The following CATSPERE variants were observed in gnomAD, a reference collection of about 807,000 sequenced individuals.
CATSPERE encodes the protein cation channel sperm-associated auxiliary subunit epsilon.
Under a neutral mutation model 114.1 loss-of-function variants are expected in CATSPERE, and 93 were observed. The observed-to-expected ratio is 0.81, with a 90% CI of 0.69 to 0.97. The LOEUF is 0.97. Among genes scored for constraint, CATSPERE ranks in the 50% least tolerant of loss-of-function variants. The pLI is 0.00. For missense variants in CATSPERE, 1,058 were observed against 1,131.6 expected (o/e 0.93, Z 0.93); for synonymous variants, 341 against 384.1 (o/e 0.89, Z 1.31).
intron 17 of CATSPERE, 44 bp from the exon 18 acceptor site, chr1:244,605,651 A>G (rs1669884152): frequency 7.4e-7 from 1 of 1,358,800 alleles, no homozygotes; most frequent in East Asian, 2.3e-5. Context: ...TAACCCCTCT[A>G]TTTTATATTA....
At chr1:244,457,590 T>G (rs1174891286), upstream of CATSPERE, 1 of 152,198 alleles carries the variant, frequency 6.6e-6, no homozygotes, top group Admixed American at 6.5e-5. Context: ...TGTATCACAG[T>G]AAAGGTTTTT....
rs1667314124 is a variant in CATSPERE at position 244,588,467 on chromosome 1, G to A, written c.2086-15G>A. The A allele has an allele frequency of 6.3e-7, 1 of 1,599,060 alleles. No individual in the cohort carries two copies. Among genetic ancestry groups the A allele is most frequent in the Non-Finnish European group, 8.6e-7 (1 of 1,166,570 alleles). On this transcript the variant is annotated splice_polypyrimidine_tract_variant and intron_variant, in intron 13 of 21. Transcript: ENST00000366534. ...CAGAACTGCTGAACTCACTACCTAA[G>A]TTACTTCATTTTAGGTGTTCCAAAT...
Position 244,568,654 on chromosome 1 carries a change from C to T in CATSPERE, c.1508-3676C>T, listed in dbSNP as rs927848550. On this transcript the variant is annotated intron_variant, in intron 10 of 21. Transcript: ENST00000366534. This position sits in a 1 kb window ranked among gnomAD's most constrained non-coding sequence, Gnocchi z 4.4. ...TTTATTTCCACTGTGAGGGGAAAAC[C>T]GCCTACTCAAGCCTCAGTAATGGCA... Among the ~76,000 whole-genome samples, 11 of 152,290 alleles carry T rather than the reference C, an allele frequency of 7.2e-5. No homozygotes were observed. The South Asian group carries it at 1.7e-3, about 23-fold the overall frequency.
chr1:244,610,902 A>G (rs1670639806), intron 19 of CATSPERE, among the ~76,000 whole-genome samples: 2 of 152,074 alleles, frequency 1.3e-5, no homozygotes, highest in South Asian at 4.1e-4. Flanking sequence ...CTGGGACTAC[A>G]GGCATGTGCC....
intron 17 of CATSPERE, chr1:244,598,619 C>A: frequency 2.8e-6 from 1 of 356,376 alleles, no homozygotes; most frequent in Admixed American, 2.7e-5. Flanking sequence ...GCTTGCCTCC[C>A]TTTTCCACGG....
chr1:244,604,939 C>T (rs865971133), intron 17 of CATSPERE, among the ~76,000 whole-genome samples: 1 of 152,148 alleles, frequency 6.6e-6, no homozygotes, highest in South Asian at 2.1e-4. Flanking sequence ...CAGGGGTAGC[C>T]GGTCCATCTT....
At chr1:244,600,825 C>T (rs1305074407) in intron 17 of CATSPERE, among the ~76,000 whole-genome samples, 1 of 151,744 alleles carries the variant, frequency 6.6e-6, no homozygotes, top group Non-Finnish European at 1.5e-5. Context: ...ATCATCAAAT[C>T]CAGAGATATA....
rs573692201 is a variant in CATSPERE at position 244,584,713 on chromosome 1, G to A, written c.2085+774G>A. On this transcript the variant is annotated intron_variant, in intron 13 of 21. Coordinates refer to ENST00000366534, the MANE Select transcript of CATSPERE (RefSeq NM_001130957.2). ...GTGTTATATATGGGGAATACAAAGC[G>A]AAATAGGACCTGGCCCCTCCCATTC... 9.2e-5 allele frequency among the ~76,000 whole-genome samples: 14 copies of A among 152,202 alleles called. 1 individual carries two copies. In the South Asian group the frequency reaches 1.7e-3, roughly 18 times the overall value.
At chr1:244,621,209 T>C (rs371693876) in intron 20 of CATSPERE, among the ~76,000 whole-genome samples, 183 of 5,896 alleles carry the variant, frequency 0.031, 14 homozygotes, top group African/African-American at 0.052. Context: ...ATAGATATAT[T>C]TATATATATA....
chr1:244,462,273 A>G (rs533377648), intron 1 of CATSPERE, among the ~76,000 whole-genome samples: 2 of 152,316 alleles, frequency 1.3e-5, no homozygotes, highest in East Asian at 1.9e-4. Flanking sequence ...CCACACACCT[A>G]TGGGCCTCTT....
chr1:244,451,903 T>C (rs570966218), upstream of CATSPERE: 6 of 1,349,756 alleles, frequency 4.4e-6, no homozygotes, highest in Admixed American at 2.9e-5. This position sits in a 1 kb window ranked among gnomAD's most constrained non-coding sequence, Gnocchi z 6.6. Flanking sequence ...GCCAGCCACA[T>C]GCAGAGGAAG....
intron 20 of CATSPERE, among the ~76,000 whole-genome samples, chr1:244,625,426 A>ATTTTTTTTTTTTTTTTTTTTTT (rs1326525192): frequency 2.5e-4 from 1 of 3,942 alleles, no homozygotes; most frequent in Non-Finnish European, 6.6e-4. Flanking sequence ...ATATATATAT[A>ATTTTTTTTTTTTTTTTTTTTTT]TATATATTTT....
At chr1:244,528,426 T>C (rs964796031) in intron 8 of CATSPERE, among the ~76,000 whole-genome samples, 1 of 152,216 alleles carries the variant, frequency 6.6e-6, no homozygotes, top group Non-Finnish European at 1.5e-5. Context: ...ATTCCATTTA[T>C]ATAAAGTACA....
chr1:244,615,574 C>T (rs776298195), intron 19 of CATSPERE, among the ~76,000 whole-genome samples: 2 of 151,420 alleles, frequency 1.3e-5, no homozygotes, highest in African/African-American at 2.4e-5. Flanking sequence ...TAGTGAATAA[C>T]GTAAGGAAAT....
rs188790692 is a variant in CATSPERE at position 244,605,848 on chromosome 1, C to T, written c.2403+54C>T. On this transcript the variant is annotated intron_variant, in intron 18 of 21. Transcript: ENST00000366534. ...TTAGCATGCAACTAGACAATGTCTTCCTGTTTTAAATTTATAAATAAGCGA... is the reference window on the plus strand; with the variant it reads ...TTAGCATGCAACTAGACAATGTCTTTCTGTTTTAAATTTATAAATAAGCGA... 2,102 of 1,240,236 alleles carry T rather than the reference C, an allele frequency of 1.7e-3. 28 individuals carry two copies. Among genetic ancestry groups the T allele is most frequent in the East Asian group, 7.3e-3 (300 of 41,202 alleles). The allele number at this position is 1,240,236 out of a possible 1,614,324, so 76.8% of individuals were successfully genotyped here. A position where few individuals can be genotyped will look rare whatever the true frequency, so the allele number is the denominator to read the frequency against.
chr1:244,476,780 A>C (rs1208216511), intron 2 of CATSPERE, among the ~76,000 whole-genome samples: 1 of 152,254 alleles, frequency 6.6e-6, no homozygotes, highest in African/African-American at 2.4e-5. Flanking sequence ...AAGAATTTCT[A>C]AATGAAAGAA....
chr1:244,569,904 C>T (rs1384740997), intron 10 of CATSPERE, among the ~76,000 whole-genome samples: 1 of 152,284 alleles, frequency 6.6e-6, no homozygotes, highest in Non-Finnish European at 1.5e-5. Context: ...AATCACCTAA[C>T]ACACTAAATA....
intron 20 of CATSPERE, 53 bp downstream of exon 20, chr1:244,617,739 A>AT: frequency 7.1e-7 from 1 of 1,414,848 alleles, no homozygotes; most frequent in South Asian, 1.5e-5. Context: ...CAAAATCTTT[A>AT]TTTTTTTAAT....
chr1:244,478,965 T>G (rs1361971785), intron 4 of CATSPERE, among the ~76,000 whole-genome samples: 1 of 139,224 alleles, frequency 7.2e-6, no homozygotes, highest in African/African-American at 2.8e-5. Flanking sequence ...GAGGTGGAAG[T>G]TGCAGTGAGC....
Sources: allele counts gnomAD v4.1 joint callset (sites outside exome capture counted in the v4.1 genomes callset), GRCh38; gene constraint gnomAD v4.1.1; non-coding constraint Gnocchi (gnomAD v3.1); transcripts MANE v1.5; gene names NCBI Gene and HGNC (gene_info 2026-07-23, HGNC 2026-07-21).